KIF17: variants seen among roughly 807,000 people sequenced by gnomAD.
The protein encoded by KIF17 is kinesin family member 17.
KIF17 carries 80 observed loss-of-function variants against 96.8 expected under a neutral mutation model. The ratio of observed to expected loss-of-function variants is 0.83; its 90% CI spans 0.69 to 1.00. KIF17 has a LOEUF of 1.00. KIF17 is among the 50% of genes least tolerant of loss of function. The probability of loss-of-function intolerance (pLI) is 0.00; values close to 1 mark genes in which losing one functional copy is unlikely to be tolerated. For missense variants in KIF17, 1,280 were observed against 1,372.9 expected (o/e 0.93, Z 1.07); for synonymous variants, 567 against 587.5 (o/e 0.97, Z 0.51).
chr1:20,698,911 T>C lies in KIF17; in HGVS notation c.1124-423A>G, dbSNP rs75968352. ...GAGAAGAAAAAGCAAGTAGGGAGGG[T>C]GCTTGGGAGTCAGAAGCAGTTAGAA... On this transcript the variant is annotated intron_variant, in intron 5 of 14. Coordinates refer to ENST00000400463, the MANE Select transcript of KIF17 (RefSeq NM_001122819.3). 2.6e-5 allele frequency among the ~76,000 whole-genome samples: 4 copies of C among 152,244 alleles called. No homozygotes were observed. In the East Asian group the frequency reaches 7.7e-4, roughly 29 times the overall value.
intron 4 of KIF17, among the ~76,000 whole-genome samples, chr1:20,707,787 A>ATG (rs3077930): frequency 0.038 from 4,764 of 124,434 alleles, 150 homozygotes; most frequent in African/African-American, 0.075. Context: ...ACCAATGTGT[A>ATG]TGTGTGTGTG....
At chr1:20,680,548 G>A (rs975681950) in intron 11 of KIF17, among the ~76,000 whole-genome samples, 3 of 152,140 alleles carry the variant, frequency 2.0e-5, no homozygotes, top group African/African-American at 7.2e-5. Context: ...CTGCACTTCA[G>A]CCTGGGTGAC....
At chr1:20,673,735 T>C (rs2053689541) in intron 11 of KIF17, among the ~76,000 whole-genome samples, 1 of 152,160 alleles carries the variant, frequency 6.6e-6, no homozygotes, top group Admixed American at 6.5e-5. Context: ...TTCACCATGT[T>C]GGCCAGGCTG....
chr1:20,717,852 C>T lies in KIF17; in HGVS notation c.-146G>A. ...GCGGGGCCGCGGCGGGGGGCGGGGA[C>T]CCCTCGGGGGGCGCCCCGGAGGGGA... On this transcript the variant is annotated 5_prime_UTR_variant, in exon 1 of 15. Coordinates refer to ENST00000400463, the MANE Select transcript of KIF17 (RefSeq NM_001122819.3). The T allele has an allele frequency of 1.7e-6, 1 of 592,796 alleles. No individual in the cohort carries two copies. Among genetic ancestry groups the T allele is most frequent in the Non-Finnish European group, 2.0e-6 (1 of 491,230 alleles). The allele number at this position is 592,796 out of a possible 1,614,324, so 36.7% of individuals were successfully genotyped here. A position where few individuals can be genotyped will look rare whatever the true frequency, so the allele number is the denominator to read the frequency against.
In KIF17 at chr1:20,685,982, TG is replaced by T. The variant is rs2053930219; in HGVS notation, c.2019+63del. 1 of 1,306,330 alleles carries T rather than the reference TG, an allele frequency of 7.7e-7. No individual in the cohort carries two copies. The allele number at this position is 1,306,330 out of a possible 1,614,324, so 80.9% of individuals were successfully genotyped here. On this transcript the variant is annotated intron_variant, in intron 9 of 14. Coordinates refer to ENST00000400463, the MANE Select transcript of KIF17 (RefSeq NM_001122819.3). The surrounding 1 kb of genome is among the most constrained non-coding windows in gnomAD (Gnocchi z 4.1). Reference sequence around the variant, plus strand: ...AAGCTCAGGGAGGGAGAAGACAAGCTGGAGTTTCCCAGGAAGTTGAAGAGAA... The same window carrying T: ...AAGCTCAGGGAGGGAGAAGACAAGCTGAGTTTCCCAGGAAGTTGAAGAGAA...
At chr1:20,708,931 A>G (rs895952790) in intron 4 of KIF17, among the ~76,000 whole-genome samples, 2 of 152,202 alleles carry the variant, frequency 1.3e-5, no homozygotes, top group African/African-American at 4.8e-5. Flanking sequence ...AGAATCCACA[A>G]GGTTGGAGTG....
chr1:20,673,707 T>C lies in KIF17; in HGVS notation c.2464-1511A>G, dbSNP rs995666787. Among the ~76,000 whole-genome samples, 8 of 152,118 alleles carry C rather than the reference T, an allele frequency of 5.3e-5. 1 individual carries two copies. The highest frequency in any genetic ancestry group is 8.8e-5 in the Non-Finnish European group (6 of 67,984). On this transcript the variant is annotated intron_variant, in intron 11 of 14. Transcript: ENST00000400463. Reference sequence around the variant, plus strand: ...ACCACGCTCAGCTCATTTTTTGTATTTTTAGCAGAGACGGGGTTTCACCAT... The same window carrying C: ...ACCACGCTCAGCTCATTTTTTGTATCTTTAGCAGAGACGGGGTTTCACCAT...
At position 20,685,228 on chromosome 1, in the gene KIF17, A is replaced by G; in HGVS notation, c.2020-208T>C. On this transcript the variant is annotated intron_variant, in intron 9 of 14. Coordinates refer to ENST00000400463, the MANE Select transcript of KIF17 (RefSeq NM_001122819.3). This position sits in a 1 kb window ranked among gnomAD's most constrained non-coding sequence, Gnocchi z 4.1. ...CCACTGACACCCCCACGCTAGGAGGAAGGCTCCCAGCTTCCTCTCTCACCT... is the reference window on the plus strand; with the variant it reads ...CCACTGACACCCCCACGCTAGGAGGGAGGCTCCCAGCTTCCTCTCTCACCT... 1 of 694,474 alleles carries G rather than the reference A, an allele frequency of 1.4e-6. No individual in the cohort carries two copies. The highest frequency in any genetic ancestry group is 1.5e-5 in the South Asian group (1 of 66,666). The allele number at this position is 694,474 out of a possible 1,614,324, so 43.0% of individuals were successfully genotyped here.
At position 20,672,828 on chromosome 1, in the gene KIF17, G is replaced by T; in HGVS notation, c.2464-632C>A. The T allele has an allele frequency of 6.1e-6, 1 of 163,794 alleles. No homozygotes were observed. Among genetic ancestry groups the T allele is most frequent in the Non-Finnish European group, 1.4e-5 (1 of 73,724 alleles). The allele number at this position is 163,794 out of a possible 1,614,324, so 10.1% of individuals were successfully genotyped here. Reference sequence around the variant, plus strand: ...GGTCCCCCGGTCCCTCCTGAGCACAGGTGACTGCCAGCCCCAGCCATAACC... The same window carrying T: ...GGTCCCCCGGTCCCTCCTGAGCACATGTGACTGCCAGCCCCAGCCATAACC... On this transcript the variant is annotated intron_variant, in intron 11 of 14. Coordinates refer to ENST00000400463, the MANE Select transcript of KIF17 (RefSeq NM_001122819.3). The surrounding 1 kb of genome is among the most constrained non-coding windows in gnomAD (Gnocchi z 4.3).
chr1:20,683,609 C>T (rs779928099), intron 10 of KIF17, among the ~76,000 whole-genome samples: 12 of 151,992 alleles, frequency 7.9e-5, no homozygotes, highest in East Asian at 3.9e-4. Context: ...GAGCCGAGAT[C>T]GCACCACTGC....
intron 6 of KIF17, among the ~76,000 whole-genome samples, chr1:20,692,265 C>T (rs934203262): frequency 1.3e-5 from 2 of 152,194 alleles, no homozygotes; most frequent in African/African-American, 4.8e-5. Context: ...AGTAACATCC[C>T]TCAGAGAGGC....
At chr1:20,671,875 A>G in intron 12 of KIF17, 63 bp downstream of exon 12, 1 of 1,578,250 alleles carries the variant, frequency 6.3e-7, no homozygotes, top group Non-Finnish European at 8.6e-7. Context: ...ACTCCCTGCC[A>G]GTCTGCAGGA....
chr1:20,690,348 G>C lies in KIF17; in HGVS notation c.1234-13C>G. ...GCTCTTCATACTCCTGGGGGGGTGG[G>C]AGGGACCAGAGGGCAGGCAGCATTT... is the stretch of plus-strand genomic sequence containing the variant. On this transcript the variant is annotated splice_polypyrimidine_tract_variant and intron_variant, in intron 6 of 14. Transcript: ENST00000400463. 1.5e-4 allele frequency: 111 copies of C among 757,210 alleles called. No individual in the cohort carries two copies. Among genetic ancestry groups the C allele is most frequent in the Middle Eastern group, 3.2e-4 (1 of 3,096 alleles). The allele number at this position is 757,210 out of a possible 1,614,324, so 46.9% of individuals were successfully genotyped here.
chr1:20,712,565 TATATAGATA>T (rs2054458826), intron 3 of KIF17, among the ~76,000 whole-genome samples: 1 of 70,168 alleles, frequency 1.4e-5, no homozygotes, highest in African/African-American at 4.7e-5. Flanking sequence ...CTATATTATA[TATATAGATA>T]ATATTATCTA....
intron 2 of KIF17, among the ~76,000 whole-genome samples, chr1:20,715,218 C>G (rs142224585): frequency 2.6e-4 from 40 of 152,346 alleles, no homozygotes; most frequent in African/African-American, 9.4e-4. Context: ...GTGATTGTTA[C>G]AACCACTTCC....
At position 20,717,930 on chromosome 1, in the gene KIF17, C is replaced by T. The variant is rs2054614748; in HGVS notation, c.-224G>A. 3 of 186,402 alleles carry T rather than the reference C, an allele frequency of 1.6e-5. No individual in the cohort carries two copies. Among genetic ancestry groups the T allele is most frequent in the African/African-American group, 2.4e-5 (1 of 42,134 alleles). 11.5% of individuals were successfully genotyped at this position (186,402 alleles called of 1,614,324 possible). On this transcript the variant is annotated 5_prime_UTR_variant, in exon 1 of 15. Transcript: ENST00000400463. ...GCCGCCGCTTCCTCCCGCGCCCGGG[C>T]TCGCCCGTTTCTGAGGCCCGGCCCG...
chr1:20,666,860 T>G (rs1368334998), intron 13 of KIF17, among the ~76,000 whole-genome samples: 1 of 152,200 alleles, frequency 6.6e-6, no homozygotes, highest in Non-Finnish European at 1.5e-5. Flanking sequence ...CTTCTTCCAC[T>G]TGACATCCCA....
chr1:20,679,555 T>G (rs1255515904), intron 11 of KIF17, among the ~76,000 whole-genome samples: 1 of 152,078 alleles, frequency 6.6e-6, no homozygotes, highest in Non-Finnish European at 1.5e-5. Flanking sequence ...GTAGAAGAGA[T>G]GCTTCTGAAA....
At chr1:20,717,365 G>A in intron 1 of KIF17, 111 bp downstream of exon 1, 1 of 1,229,462 alleles carries the variant, frequency 8.1e-7, no homozygotes, top group East Asian at 2.5e-5. Context: ...CCGTCCGCCT[G>A]CGCCCCTCGA....
Sources: gnomAD v4.1 joint callset for allele counts (sites outside exome capture counted in the v4.1 genomes callset) on GRCh38, gnomAD v4.1.1 for gene constraint, Gnocchi (gnomAD v3.1) non-coding constraint, MANE v1.5 for transcripts, NCBI Gene and HGNC (gene_info 2026-07-23, HGNC 2026-07-21) for gene names.